Variants in NVL observed in about 807,000 individuals in gnomAD.
NVL encodes the protein nuclear valosin-containing protein-like.
In NVL, 84 loss-of-function variants were observed where a neutral mutation model predicts 110.2. The ratio of observed to expected loss-of-function variants is 0.76; its 90% CI spans 0.64 to 0.91. NVL has a LOEUF of 0.91. Ranked by LOEUF, NVL falls within the 40% of genes least tolerant of loss-of-function variation. The pLI, the probability that NVL is intolerant of heterozygous loss-of-function variation, is 0.00. For synonymous variants in NVL, 354 were observed against 361.1 expected (o/e 0.98, Z 0.22); for missense variants, 882 against 1,035.9 (o/e 0.85, Z 2.04).
intron 14 of NVL, among the ~76,000 whole-genome samples, chr1:224,287,538 A>T (rs1356936572): frequency 6.6e-5 from 10 of 152,234 alleles, no homozygotes; most frequent in Admixed American, 6.5e-4. Flanking sequence ...TATCACATGT[A>T]TCCCAAAAAT....
In NVL at chr1:224,271,636, GGAAA is replaced by G. The variant is rs1665115364; in HGVS notation, c.2083-3507_2083-3504del. 2.0e-5 allele frequency among the ~76,000 whole-genome samples: 3 copies of G among 151,966 alleles called. No individual in the cohort carries two copies. In the South Asian group the frequency reaches 6.2e-4, roughly 32 times the overall value. On this transcript the variant is annotated intron_variant, in intron 17 of 22. Transcript: ENST00000281701. ...CAAAAAGAGTAATACGGAGGAGAAT[GGAAA>G]GAAATTTACTCTCTTTATACTTGTG...
intron 20 of NVL, among the ~76,000 whole-genome samples, chr1:224,234,360 G>T (rs1660227957): frequency 6.6e-6 from 1 of 151,918 alleles, no homozygotes; most frequent in South Asian, 2.1e-4. Context: ...ACAAGTCTTG[G>T]AAAGAAAAGA....
In NVL at chr1:224,281,041, G is replaced by A. The variant is rs910893822; in HGVS notation, c.1962+82C>T. 4.0e-6 allele frequency: 5 copies of A among 1,244,810 alleles called. No homozygotes were observed. The African/African-American group carries it at 7.5e-5, about 19-fold the overall frequency. The allele number at this position is 1,244,810 out of a possible 1,614,324, so 77.1% of individuals were successfully genotyped here. On this transcript the variant is annotated intron_variant, in intron 16 of 22. Transcript: ENST00000281701. ...TACCAAAATACCACAATTGCTGAAAGATCTGAGAACATTTTACCCCGTAAT... is the reference window on the plus strand; with the variant it reads ...TACCAAAATACCACAATTGCTGAAAAATCTGAGAACATTTTACCCCGTAAT...
intron 18 of NVL, among the ~76,000 whole-genome samples, chr1:224,260,175 A>G (rs994884427): frequency 5.3e-5 from 8 of 152,234 alleles, no homozygotes; most frequent in Middle Eastern, 3.2e-3. Context: ...ATGTGTAAGG[A>G]AACACTCTAT....
intron 2 of NVL, among the ~76,000 whole-genome samples, chr1:224,325,709 G>A (rs1271981456): frequency 6.6e-6 from 1 of 152,182 alleles, no homozygotes; most frequent in Admixed American, 6.5e-5. Flanking sequence ...CTCCAGCCTG[G>A]GCAACAAGAG....
intron 12 of NVL, among the ~76,000 whole-genome samples, chr1:224,293,894 G>A (rs1228770620): frequency 6.6e-6 from 1 of 152,190 alleles, no homozygotes; most frequent in Non-Finnish European, 1.5e-5. Context: ...ACTTACTGCA[G>A]CCTTGAACTC....
chr1:224,306,272 A>ATT (rs976159057), intron 6 of NVL, among the ~76,000 whole-genome samples: 101 of 147,894 alleles, frequency 6.8e-4, no homozygotes, highest in African/African-American at 2.4e-3. Context: ...TTAAAAAAAA[A>ATT]TTTTTTTTTT....
intron 4 of NVL, among the ~76,000 whole-genome samples, chr1:224,315,072 T>A (rs1402827331): frequency 8.3e-5 from 11 of 132,612 alleles, no homozygotes; most frequent in Non-Finnish European, 1.6e-4. Flanking sequence ...TTTTTTTTTT[T>A]AGAGACAAGG....
intron 4 of NVL, among the ~76,000 whole-genome samples, chr1:224,314,818 A>G (rs1198566998): frequency 1.3e-5 from 2 of 152,216 alleles, no homozygotes. Context: ...TCTGTAGAAA[A>G]AGATTAGTAA....
intron 18 of NVL, among the ~76,000 whole-genome samples, chr1:224,254,509 CAGCCTCCCAAGT>C (rs1321638414): frequency 6.6e-6 from 1 of 150,812 alleles, no homozygotes; most frequent in Non-Finnish European, 1.5e-5. Context: ...TCTCCTGCGT[CAGCCTCCCAAGT>C]AGCTGGGATT....
intron 19 of NVL, among the ~76,000 whole-genome samples, chr1:224,247,804 C>T (rs1028613229): frequency 2.0e-5 from 3 of 152,174 alleles, no homozygotes; most frequent in African/African-American, 2.4e-5. Context: ...AGCCACCATG[C>T]CTGGCCTTGG....
intron 18 of NVL, among the ~76,000 whole-genome samples, chr1:224,264,081 G>C (rs1664247770): frequency 2.0e-5 from 3 of 152,050 alleles, no homozygotes; most frequent in Admixed American, 1.3e-4. Context: ...GGTTGGGAGA[G>C]AGACCAAGGA....
rs1662312576 is a variant in NVL at position 224,250,219 on chromosome 1, A to G, written c.2282T>C (p.Ile761Thr). The G allele has an allele frequency of 6.2e-7, 1 of 1,610,370 alleles. No homozygotes were observed. Among genetic ancestry groups the G allele is most frequent in the African/African-American group, 1.3e-5 (1 of 74,768 alleles). The change falls in exon 19 of 23, where the codon ATC becomes ACC. Residue 761 changes from isoleucine (I) to threonine (T), a missense_variant. This residue lies in a region of NVL where 126 missense variants were observed against 140.7 expected (regional missense o/e 0.90). Coordinates refer to ENST00000281701, the MANE Select transcript of NVL (RefSeq NM_002533.4). ...PADRLAILKTITKNGTKPPLD... is the reference protein window; with the variant it reads ...PADRLAILKTTTKNGTKPPLD... ...ACCATTTCCTTTACTCACTTTTGTG[A>G]TAGTTTTTAAGATGGCAAGGCGATC...
chr1:224,307,877 T>C, intron 6 of NVL, 114 bp downstream of exon 6: 1 of 947,998 alleles, frequency 1.1e-6, no homozygotes, highest in South Asian at 2.3e-5. Flanking sequence ...TCTCCATATA[T>C]TTTAAAGTTC....
chr1:224,271,045 A>G (rs1665043798), intron 17 of NVL, among the ~76,000 whole-genome samples: 1 of 152,232 alleles, frequency 6.6e-6, no homozygotes, highest in Non-Finnish European at 1.5e-5. Flanking sequence ...TACGTGAAAC[A>G]AGTTCAGCAG....
intron 12 of NVL, among the ~76,000 whole-genome samples, chr1:224,289,986 A>T (rs868372452): frequency 3.3e-5 from 5 of 152,240 alleles, no homozygotes; most frequent in Admixed American, 6.5e-5. Flanking sequence ...TAGAATTTTT[A>T]AAAAATATTT....
At chr1:224,328,068 C>T in intron 1 of NVL, among the ~76,000 whole-genome samples, 1 of 150,780 alleles carries the variant, frequency 6.6e-6, no homozygotes, top group Non-Finnish European at 1.5e-5. Context: ...GCTCTGATTT[C>T]CCCCCCCTTT....
chr1:224,319,197 T>C (rs1288348155), intron 2 of NVL, among the ~76,000 whole-genome samples: 1 of 143,092 alleles, frequency 7.0e-6, no homozygotes, highest in Non-Finnish European at 1.5e-5. Context: ...ATAGCTACAA[T>C]ACAATTAGCA....
intron 22 of NVL, among the ~76,000 whole-genome samples, chr1:224,230,818 A>G (rs1659790544): frequency 6.6e-6 from 1 of 152,132 alleles, no homozygotes; most frequent in African/African-American, 2.4e-5. Context: ...AAGTAGAAGT[A>G]GTATACAAAA....
Sources: allele counts gnomAD v4.1 joint callset (sites outside exome capture counted in the v4.1 genomes callset), GRCh38; gene constraint gnomAD v4.1.1; regional missense constraint gnomAD v4.1.1; transcripts MANE v1.5; gene names NCBI Gene and HGNC (gene_info 2026-07-23, HGNC 2026-07-21).